The following LMO1 variants were observed in gnomAD, a reference collection of about 807,000 sequenced individuals.
The protein encoded by LMO1 is LIM domain only 1, also known as rhombotin-1.
A neutral mutation model predicts 18.0 loss-of-function variants in LMO1; 10 were observed. The observed-to-expected ratio is 0.55, with a 90% CI of 0.34 to 0.94. The LOEUF is 0.94. Among genes scored for constraint, LMO1 ranks in the 40% least tolerant of loss-of-function variants. LMO1 has a pLI of 0.02. For synonymous variants in LMO1, 77 were observed against 77.9 expected, an observed-to-expected ratio of 0.99 and a Z score of 0.06; for missense variants, 183 against 205.7, an observed-to-expected ratio of 0.89 and a Z score of 0.68.
chr11:8,226,836 C>T, intron 3 of LMO1, 139 bp downstream of exon 3: 1 of 1,411,502 alleles, frequency 7.1e-7, no homozygotes, highest in Middle Eastern at 2.6e-4. Flanking sequence ...CACATGCACG[C>T]TCATAACCTG....
upstream of LMO1, among the ~76,000 whole-genome samples, chr11:8,266,414 G>A (rs917886447): frequency 7.1e-5 from 10 of 139,976 alleles, no homozygotes; most frequent in Admixed American, 2.8e-4. Flanking sequence ...CCAGGGACAC[G>A]CCCACAGCAC....
chr11:8,247,297 C>T (rs1322889653), intron 1 of LMO1, among the ~76,000 whole-genome samples: 3 of 152,162 alleles, frequency 2.0e-5, no homozygotes, highest in Non-Finnish European at 4.4e-5. Context: ...GTAAGGGATG[C>T]TGCCCTCTCC....
chr11:8,259,360 T>G (rs982838686), intron 1 of LMO1, among the ~76,000 whole-genome samples: 2 of 152,174 alleles, frequency 1.3e-5, no homozygotes, highest in African/African-American at 4.8e-5. Flanking sequence ...ACAGACACTC[T>G]GCCTGGCTAA....
rs371539133 is a variant in LMO1, at chr11:8,255,039, C to A, written c.25+8299G>T. ...TACAAAAATGGCCCCAATTCTCTAC[C>A]CTTCCCCACAGCCACACCATTTGTT... On this transcript the variant is annotated intron_variant, in intron 1 of 3. Coordinates refer to ENST00000335790, the MANE Select transcript of LMO1 (RefSeq NM_002315.3). Among the ~76,000 whole-genome samples, 3 of 152,276 alleles carry A rather than the reference C, an allele frequency of 2.0e-5. No homozygotes were observed. The East Asian group carries it at 5.8e-4, about 29-fold the overall frequency.
At chr11:8,232,161 C>T (rs1395235822) in intron 1 of LMO1, among the ~76,000 whole-genome samples, 1 of 152,176 alleles carries the variant, frequency 6.6e-6, no homozygotes, top group East Asian at 1.9e-4. Flanking sequence ...GGGCCAGTGG[C>T]TCCCTCCTCC....
intron 1 of LMO1, among the ~76,000 whole-genome samples, chr11:8,259,338 T>C (rs976812843): frequency 6.6e-6 from 1 of 152,014 alleles, no homozygotes; most frequent in Non-Finnish European, 1.5e-5. Flanking sequence ...GGGGGGCGGG[T>C]TACCCATCTT....
At chr11:8,232,424 C>T (rs928876212) in intron 1 of LMO1, among the ~76,000 whole-genome samples, 1 of 152,134 alleles carries the variant, frequency 6.6e-6, no homozygotes, top group Non-Finnish European at 1.5e-5. Context: ...CCTTCCAAGT[C>T]CTGGCCTACA....
upstream of LMO1, among the ~76,000 whole-genome samples, chr11:8,265,424 G>A (rs926783983): frequency 6.6e-6 from 1 of 152,178 alleles, no homozygotes; most frequent in African/African-American, 2.4e-5. Flanking sequence ...GCGGGCTGCA[G>A]CCATATTCCT....
intron 1 of LMO1, among the ~76,000 whole-genome samples, chr11:8,238,543 T>C (rs960297883): frequency 1.5e-4 from 23 of 151,596 alleles, no homozygotes; most frequent in Admixed American, 8.5e-4. Flanking sequence ...TGGTGGCGGG[T>C]GCCTGTAATC....
chr11:8,263,399 C>T lies in LMO1; in HGVS notation c.-37G>A. 6.3e-7 allele frequency: 1 copy of T among 1,597,126 alleles called. No individual in the cohort carries two copies. On this transcript the variant is annotated 5_prime_UTR_variant, in exon 1 of 4. Coordinates refer to ENST00000335790, the MANE Select transcript of LMO1 (RefSeq NM_002315.3). The stretch of plus-strand genomic sequence containing the variant: ...CGTGTCCAGCCGCAGCTAGGCTCGG[C>T]CGGGAGAAGGGCGCCGACTCGGGGC...
At chr11:8,238,980 A>T (rs1364446887) in intron 1 of LMO1, among the ~76,000 whole-genome samples, 1 of 152,232 alleles carries the variant, frequency 6.6e-6, no homozygotes, top group Non-Finnish European at 1.5e-5. Context: ...TGCTGGGCTA[A>T]CCATCTTACA....
At chr11:8,245,925 G>A (rs1040668650) in intron 1 of LMO1, among the ~76,000 whole-genome samples, 1 of 152,124 alleles carries the variant, frequency 6.6e-6, no homozygotes. Context: ...AAGAGGAAGG[G>A]GAAAAAGCAA....
intron 1 of LMO1, among the ~76,000 whole-genome samples, chr11:8,250,890 C>T (rs1846978863): frequency 6.6e-6 from 1 of 152,252 alleles, no homozygotes; most frequent in Admixed American, 6.5e-5. Flanking sequence ...CTTCCACTCA[C>T]TGGCCTCCAG....
intron 1 of LMO1, among the ~76,000 whole-genome samples, chr11:8,233,338 G>A (rs1409102197): frequency 6.6e-6 from 1 of 152,166 alleles, no homozygotes; most frequent in African/African-American, 2.4e-5. Context: ...GAGGGGCCTG[G>A]GACCAGACTC....
intron 1 of LMO1, among the ~76,000 whole-genome samples, chr11:8,238,620 A>G (rs556362410): frequency 6.6e-5 from 10 of 150,844 alleles, no homozygotes; most frequent in East Asian, 2.0e-4. Flanking sequence ...GCAGTGAGCC[A>G]AGATCGCGCC....
At chr11:8,257,907 G>A (rs537748347) in intron 1 of LMO1, among the ~76,000 whole-genome samples, 2 of 152,380 alleles carry the variant, frequency 1.3e-5, no homozygotes, top group South Asian at 2.1e-4. Context: ...TGAGCATGGA[G>A]CAATGTTGCT....
upstream of LMO1, among the ~76,000 whole-genome samples, chr11:8,265,528 C>T (rs1388122127): frequency 1.3e-5 from 2 of 152,170 alleles, no homozygotes; most frequent in Non-Finnish European, 2.9e-5. Flanking sequence ...TTCACTTTCC[C>T]CTTCATCTTG....
intron 1 of LMO1, among the ~76,000 whole-genome samples, chr11:8,253,937 C>T (rs1471948832): frequency 6.6e-6 from 1 of 152,128 alleles, no homozygotes; most frequent in Admixed American, 6.5e-5. Context: ...AATGCCTCCC[C>T]TAAATTATTA....
intron 1 of LMO1, among the ~76,000 whole-genome samples, chr11:8,249,321 G>A (rs1846948582): frequency 6.6e-6 from 1 of 152,132 alleles, no homozygotes; most frequent in Admixed American, 6.5e-5. Context: ...ATGAGGAGAG[G>A]TCCATCTATA....
Sources: gnomAD v4.1 joint callset for allele counts (sites outside exome capture counted in the v4.1 genomes callset) on GRCh38, gnomAD v4.1.1 for gene constraint, MANE v1.5 for transcripts, NCBI Gene and HGNC (gene_info 2026-07-23, HGNC 2026-07-21) for gene names.